The following SFMBT2 variants were observed in gnomAD, a reference collection of about 807,000 sequenced individuals.
SFMBT2 encodes scm-like with four MBT domains protein 2.
In SFMBT2, 38 loss-of-function variants were observed where a neutral mutation model predicts 110.1. The ratio of observed to expected loss-of-function variants is 0.35; its 90% confidence interval spans 0.27 to 0.45. The LOEUF (loss-of-function observed/expected upper bound fraction) is 0.45. Ranked by LOEUF, SFMBT2 falls within the 20% of genes least tolerant of loss-of-function variation. The pLI, the probability that SFMBT2 is intolerant of heterozygous loss-of-function variation, is 1.00. For synonymous variants in SFMBT2, 425 were observed against 425.4 expected, an observed-to-expected ratio of 1.00 and a Z score of 0.01; for missense variants, 1,011 against 1,094.9, an observed-to-expected ratio of 0.92 and a Z score of 1.08.
chr10:7,204,829 C>T lies in SFMBT2; in HGVS notation c.1444+986G>A, dbSNP rs149331635. 2,363 of 484,658 alleles carry T rather than the reference C, an allele frequency of 4.9e-3. 53 individuals carry two copies. Among genetic ancestry groups the T allele is most frequent in the African/African-American group, 0.047 (2,229 of 47,534 alleles). The allele number at this position is 484,658 out of a possible 1,614,324, so 30.0% of individuals were successfully genotyped here. On this transcript the variant is annotated intron_variant, in intron 12 of 20. Transcript: ENST00000397167. Reference sequence around the variant, plus strand: ...TGGAGGTTGCAGAGAGCCGAGATAGCGCCATTGCACTCCAGCCTGGGCAAC... The same window carrying T: ...TGGAGGTTGCAGAGAGCCGAGATAGTGCCATTGCACTCCAGCCTGGGCAAC...
chr10:7,388,303 G>C (rs935686900), intron 1 of SFMBT2, among the ~76,000 whole-genome samples: 2 of 150,932 alleles, frequency 1.3e-5, no homozygotes, highest in African/African-American at 4.9e-5. Flanking sequence ...AAATGAAGCA[G>C]AAAAGATCAG....
At chr10:7,390,828 G>A (rs1038535902) in intron 1 of SFMBT2, among the ~76,000 whole-genome samples, 17 of 152,216 alleles carry the variant, frequency 1.1e-4, no homozygotes, top group Non-Finnish European at 2.1e-4. Flanking sequence ...GGCCTGGTGC[G>A]TTGGCTCATG....
In SFMBT2 at chr10:7,283,917, C is replaced by T. The variant is rs1208729414; in HGVS notation, c.759G>A (p.Met253Ile). Residue 253 changes from methionine to isoleucine, a missense_variant, in exon 6 of 21, where the codon ATG (methionine) becomes ATA (isoleucine). By Grantham distance (10) the Met-to-Ile change is conservative (BLOSUM62 1). Transcript: ENST00000397167. ...TTTGGCCCTTACCTGAAGGTGGGTCCATTCTGTATTTATTCTCTTGACACC... is the reference window on the plus strand; with the variant it reads ...TTTGGCCCTTACCTGAAGGTGGGTCTATTCTGTATTTATTCTCTTGACACC... Reference protein sequence around the residue: ...VGWCQENKYRMDPPSEIYPLK... With the variant: ...VGWCQENKYRIDPPSEIYPLK... The T allele has an allele frequency of 1.2e-5, 19 of 1,593,914 alleles. No homozygotes were observed. Among genetic ancestry groups the T allele is most frequent in the East Asian group, 2.2e-5 (1 of 44,766 alleles).
rs1837582980 is a variant in SFMBT2, at chr10:7,162,815, A to G, written c.*955T>C. 1 of 152,428 alleles carries G rather than the reference A, an allele frequency of 6.6e-6. No individual in the cohort carries two copies. The highest frequency in any genetic ancestry group is 2.4e-5 in the African/African-American group (1 of 41,564). 9.4% of individuals were successfully genotyped at this position (152,428 alleles called of 1,614,324 possible). A position where few individuals can be genotyped will look rare whatever the true frequency, so the allele number is the denominator to read the frequency against. On this transcript the variant is annotated 3_prime_UTR_variant, in exon 21 of 21. Coordinates refer to ENST00000397167, the MANE Select transcript of SFMBT2 (RefSeq NM_001387889.1). ...TCTAGGCTTCAATCAAAAACCATCCAGTTGGGCCGGGGCGTAGTGGCTCAC... is the reference window on the plus strand; with the variant it reads ...TCTAGGCTTCAATCAAAAACCATCCGGTTGGGCCGGGGCGTAGTGGCTCAC...
intron 4 of SFMBT2, among the ~76,000 whole-genome samples, chr10:7,356,195 T>C (rs1188117492): frequency 2.0e-5 from 3 of 152,200 alleles, no homozygotes. Context: ...TGTCTGTGCA[T>C]GTGATTCTCT....
chr10:7,213,424 A>T (rs1839420536), intron 11 of SFMBT2, among the ~76,000 whole-genome samples: 1 of 151,890 alleles, frequency 6.6e-6, no homozygotes, highest in South Asian at 2.1e-4. Context: ...GGGCCAGAAG[A>T]GGACAGGCGG....
intron 11 of SFMBT2, chr10:7,215,508 C>A: frequency 1.0e-6 from 1 of 975,750 alleles, no homozygotes; most frequent in Non-Finnish European, 1.2e-6. Flanking sequence ...TCTCCTGAGG[C>A]AGGGGTTGTT....
intron 17 of SFMBT2, among the ~76,000 whole-genome samples, chr10:7,175,723 C>A (rs1431940660): frequency 6.6e-6 from 1 of 151,472 alleles, no homozygotes; most frequent in Non-Finnish European, 1.5e-5. Context: ...AAACTCATGA[C>A]AGTACACACA....
Position 7,364,699 on chromosome 10 carries a change from G to A in SFMBT2, c.436+2950C>T, listed in dbSNP as rs141979659. On this transcript the variant is annotated intron_variant, in intron 4 of 20. Coordinates refer to ENST00000397167, the MANE Select transcript of SFMBT2 (RefSeq NM_001387889.1). ...GAGTCATGAATGTGATGGTAAAACC[G>A]TCGGCAACAAGGATGGGGCCTGAGG... Among the ~76,000 whole-genome samples the A allele has an allele frequency of 9.8e-3, 1,497 of 152,282 alleles. 23 individuals are homozygous for A. Among genetic ancestry groups the A allele is most frequent in the African/African-American group, 0.034 (1,418 of 41,550 alleles).
chr10:7,205,397 A>C (rs1489215448), intron 12 of SFMBT2: 1 of 984,882 alleles, frequency 1.0e-6, no homozygotes, highest in African/African-American at 1.7e-5. Context: ...AGCCTGGTTA[A>C]GTGTTTATAA....
intron 11 of SFMBT2, chr10:7,207,012 G>T: frequency 1.4e-6 from 1 of 693,106 alleles, no homozygotes; most frequent in Non-Finnish European, 1.8e-6. Flanking sequence ...AATTGCTTGA[G>T]CCTAGGAGTT....
chr10:7,340,027 G>T (rs930385458), intron 4 of SFMBT2, among the ~76,000 whole-genome samples: 1 of 152,222 alleles, frequency 6.6e-6, no homozygotes, highest in Admixed American at 6.5e-5. Flanking sequence ...GACGGGGCAT[G>T]AGTGTGCAAG....
chr10:7,305,714 G>A (rs903943553), intron 4 of SFMBT2, among the ~76,000 whole-genome samples: 1 of 152,194 alleles, frequency 6.6e-6, no homozygotes, highest in Non-Finnish European at 1.5e-5. Flanking sequence ...CTACCCTTTC[G>A]GGAGACTCAA....
At chr10:7,228,376 TAA>T (rs61479973) in intron 9 of SFMBT2, 4,632 of 680,260 alleles carry the variant, frequency 6.8e-3, no homozygotes, top group Non-Finnish European at 7.6e-3. Context: ...AATAAAAAAT[TAA>T]AAAAAAAAAA....
chr10:7,173,789 C>T (rs114534124), intron 17 of SFMBT2, among the ~76,000 whole-genome samples: 5,580 of 152,190 alleles, frequency 0.037, 131 homozygotes, highest in African/African-American at 0.057. Context: ...CCTTTATCTA[C>T]GAATGGGGTG....
At chr10:7,360,540 G>A (rs751970361) in intron 4 of SFMBT2, among the ~76,000 whole-genome samples, 4 of 151,956 alleles carry the variant, frequency 2.6e-5, no homozygotes, top group East Asian at 1.9e-4. Context: ...CACCAAACAC[G>A]GATTTCTGGG....
chr10:7,340,874 A>G lies in SFMBT2; in HGVS notation c.436+26775T>C, dbSNP rs1002928298. On this transcript the variant is annotated intron_variant, in intron 4 of 20. Coordinates refer to ENST00000397167, the MANE Select transcript of SFMBT2 (RefSeq NM_001387889.1). ...AGTAACTGGGACAGAAACTGCAGGG[A>G]TTCTTTGGGGTACACAGAAACTAAA... Among the ~76,000 whole-genome samples the G allele has an allele frequency of 3.9e-5, 6 of 151,908 alleles. No homozygotes were observed. The East Asian group carries it at 1.2e-3, about 29-fold the overall frequency.
rs1844940916 is a variant in SFMBT2, at chr10:7,367,334, C to T, written c.436+315G>A. ...CAATTCCTGATGTCCTTTCAGCCTT[C>T]CTTTCTTACCCTCCAATTCCTGATG... On this transcript the variant is annotated intron_variant, in intron 4 of 20. Coordinates refer to ENST00000397167, the MANE Select transcript of SFMBT2 (RefSeq NM_001387889.1). The surrounding 1 kb of genome is among the most constrained non-coding windows in gnomAD (Gnocchi z 6.2). Among the ~76,000 whole-genome samples the T allele has an allele frequency of 6.8e-6, 1 of 146,120 alleles. No homozygotes were observed. Among genetic ancestry groups the T allele is most frequent in the Non-Finnish European group, 1.5e-5 (1 of 67,274 alleles).
chr10:7,333,919 G>A (rs1843638968), intron 4 of SFMBT2, among the ~76,000 whole-genome samples: 2 of 152,086 alleles, frequency 1.3e-5, no homozygotes, highest in Admixed American at 1.3e-4. Flanking sequence ...AATGAGTTTG[G>A]GAACAAATAA....
Sources: gnomAD v4.1 joint callset for allele counts (sites outside exome capture counted in the v4.1 genomes callset) on GRCh38, gnomAD v4.1.1 for gene constraint, Gnocchi (gnomAD v3.1) non-coding constraint, MANE v1.5 for transcripts, NCBI Gene and HGNC (gene_info 2026-07-23, HGNC 2026-07-21) for gene names.